The following TBCE variants were observed in gnomAD, a reference collection of about 807,000 sequenced individuals.
TBCE encodes the protein tubulin-specific chaperone E.
Under a neutral mutation model 77.0 loss-of-function variants are expected in TBCE, and 53 were observed. The ratio of observed to expected loss-of-function variants is 0.69; its 90% CI spans 0.55 to 0.87. TBCE has a LOEUF of 0.87. Among genes scored for constraint, TBCE ranks in the 40% least tolerant of loss-of-function variants. The pLI, the probability that TBCE is intolerant of heterozygous loss-of-function variation, is 0.00. For synonymous variants in TBCE, 235 were observed against 241.3 expected (o/e 0.97, Z 0.24); for missense variants, 624 against 622.4 (o/e 1.00, Z -0.03).
intron 14 of TBCE, 37 bp from the exon 15 acceptor site, chr1:235,442,815 A>C: frequency 1.3e-6 from 2 of 1,579,458 alleles, no homozygotes; most frequent in Non-Finnish European, 1.7e-6. Context: ...ATATAATAGT[A>C]GATATCAATT....
chr1:235,398,233 C>T (rs533371314), intron 2 of TBCE, among the ~76,000 whole-genome samples: 5 of 151,534 alleles, frequency 3.3e-5, no homozygotes, highest in African/African-American at 1.2e-4. Context: ...GCAACCTACA[C>T]CTCCTGGGTT....
At chr1:235,447,677 G>GTCA (rs910266723) in intron 15 of TBCE, among the ~76,000 whole-genome samples, 2 of 152,166 alleles carry the variant, frequency 1.3e-5, no homozygotes, top group African/African-American at 2.4e-5. Context: ...TCATAAGGAA[G>GTCA]TCATCATAAA....
rs1178137922 is a variant in TBCE at position 235,450,508 on chromosome 1, T to C, written c.*1746T>C. On this transcript the variant is annotated 3_prime_UTR_variant, in exon 17 of 17. Coordinates refer to ENST00000642610, the MANE Select transcript of TBCE (RefSeq NM_003193.5). ...AGGTTTGGGGGTGGCACCTCCTGAT[T>C]TGGGAAAGCACCAGGTCCCACAGTC... The C allele has an allele frequency of 2.2e-5, 16 of 735,694 alleles. No homozygotes were observed. The highest frequency in any genetic ancestry group is 3.0e-5 in the Non-Finnish European group (14 of 467,318). 45.6% of individuals were successfully genotyped at this position (735,694 alleles called of 1,614,324 possible).
chr1:235,435,859 C>G lies in TBCE; in HGVS notation c.833+19C>G. On this transcript the variant is annotated intron_variant, in intron 9 of 16. Coordinates refer to ENST00000642610, the MANE Select transcript of TBCE (RefSeq NM_003193.5). ...TGCCCAGGTAATTTGCCCCTAAATG[C>G]CTGATACAATAGTGTTCAGTCAATT... 6.3e-7 allele frequency: 1 copy of G among 1,595,830 alleles called. No homozygotes were observed.
At chr1:235,428,216 C>T (rs981033704) in intron 6 of TBCE, among the ~76,000 whole-genome samples, 3 of 151,822 alleles carry the variant, frequency 2.0e-5, no homozygotes, top group Middle Eastern at 3.2e-3. Flanking sequence ...CCCAGCTCCT[C>T]GGGAGGCTGA....
chr1:235,413,191 TA>T (rs1223670377), intron 3 of TBCE, among the ~76,000 whole-genome samples: 3 of 152,026 alleles, frequency 2.0e-5, no homozygotes, highest in Admixed American at 6.6e-5. Context: ...TGTTGTCTCT[TA>T]AAAAAAGTAC....
chr1:235,390,023 G>A (rs1357914762), intron 2 of TBCE, among the ~76,000 whole-genome samples: 1 of 151,934 alleles, frequency 6.6e-6, no homozygotes, highest in East Asian at 1.9e-4. Flanking sequence ...CTACTTGGGA[G>A]GCTGAGACAG....
chr1:235,429,387 T>C (rs1366786564), intron 6 of TBCE: 1 of 152,194 alleles, frequency 6.6e-6, no homozygotes, highest in Non-Finnish European at 1.5e-5. Flanking sequence ...GTTTTAACTT[T>C]TACCAGGTGG....
chr1:235,370,640 C>G (rs1294591421), intron 1 of TBCE, among the ~76,000 whole-genome samples: 1 of 151,102 alleles, frequency 6.6e-6, no homozygotes, highest in Non-Finnish European at 1.5e-5. Context: ...TAGTATCTGG[C>G]TTTTAGCAGA....
At chr1:235,370,621 T>C (rs976273173) in intron 1 of TBCE, among the ~76,000 whole-genome samples, 2 of 151,960 alleles carry the variant, frequency 1.3e-5, no homozygotes, top group African/African-American at 4.8e-5. Context: ...TTATTCCAAT[T>C]GCCTAAAATA....
intron 2 of TBCE, among the ~76,000 whole-genome samples, chr1:235,392,987 G>A (rs1197535331): frequency 1.3e-5 from 2 of 151,830 alleles, no homozygotes; most frequent in East Asian, 1.9e-4. Flanking sequence ...GGGCAACAGA[G>A]TGAGATGCTG....
In TBCE at chr1:235,438,091, A is replaced by G. The variant is rs376968611; in HGVS notation, c.1116+617A>G. 1.1e-3 allele frequency among the ~76,000 whole-genome samples: 160 copies of G among 152,330 alleles called. 3 individuals carry two copies. In the South Asian group the frequency reaches 0.029, roughly 27 times the overall value. On this transcript the variant is annotated intron_variant, in intron 12 of 16. Coordinates refer to ENST00000642610, the MANE Select transcript of TBCE (RefSeq NM_003193.5). The stretch of plus-strand genomic sequence containing the variant: ...CTCCCCTTCTCAGCCACTCTTCCCC[A>G]TAAAAGTGGGAAGTCCATGCCTTGT...
intron 14 of TBCE, 66 bp from the exon 15 acceptor site, chr1:235,442,786 G>C: frequency 6.7e-7 from 1 of 1,486,538 alleles, no homozygotes; most frequent in South Asian, 1.2e-5. Flanking sequence ...CTGTTGATGT[G>C]TGTGGATAAT....
At chr1:235,414,340 A>AT in intron 3 of TBCE, 93 bp from the exon 4 acceptor site, 1 of 1,211,246 alleles carries the variant, frequency 8.3e-7, no homozygotes, top group Non-Finnish European at 1.2e-6. Flanking sequence ...ATTTTTTAGC[A>AT]TGTAGAAATT....
At position 235,439,530 on chromosome 1, in the gene TBCE, C is replaced by T. The variant is rs996235982; in HGVS notation, c.1270+608C>T. On this transcript the variant is annotated intron_variant, in intron 13 of 16. Coordinates refer to ENST00000642610, the MANE Select transcript of TBCE (RefSeq NM_003193.5). ...AAAGAGAGATGGAGTCTTGCTCTGT[C>T]GCCCAGGCCCAGGCTGGAGTGATCT... 8.6e-5 allele frequency among the ~76,000 whole-genome samples: 13 copies of T among 151,532 alleles called. 1 individual carries two copies. Among genetic ancestry groups the T allele is most frequent in the Admixed American group, 8.5e-4 (13 of 15,244 alleles).
At chr1:235,417,948 T>G (rs1680194757) in intron 4 of TBCE, among the ~76,000 whole-genome samples, 1 of 152,112 alleles carries the variant, frequency 6.6e-6, no homozygotes, top group Non-Finnish European at 1.5e-5. Flanking sequence ...AGGCTAATTT[T>G]TGTTATTTTT....
rs1024132602 is a variant in TBCE at position 235,438,693 on chromosome 1, G to A, written c.1117-76G>A. On this transcript the variant is annotated intron_variant, in intron 12 of 16. Transcript: ENST00000642610. ...TTTTCTGCATGTGCTATGGAGGAAG[G>A]ACAAGGTGCAAAACGCAAAGGACAT... The A allele has an allele frequency of 3.8e-6, 6 of 1,575,430 alleles. No individual in the cohort carries two copies. In the African/African-American group the frequency reaches 6.8e-5, roughly 18 times the overall value.
At position 235,434,063 on chromosome 1, in the gene TBCE, G is replaced by C. The variant is rs1417217211; in HGVS notation, c.661-141G>C. 3.0e-5 allele frequency: 24 copies of C among 788,688 alleles called. No individual in the cohort carries two copies. The East Asian group carries it at 5.9e-4, about 19-fold the overall frequency. 48.9% of individuals were successfully genotyped at this position (788,688 alleles called of 1,614,324 possible). On this transcript the variant is annotated intron_variant, in intron 7 of 16. Transcript: ENST00000642610. ...CACCCCCCACCACTATTCCAGGCCT[G>C]AAACAGTCTTATGAACTGTCCGTGA...
At chr1:235,418,481 C>T (rs543467087) in intron 4 of TBCE, 3 of 152,214 alleles carry the variant, frequency 2.0e-5, no homozygotes, top group African/African-American at 7.2e-5. Context: ...ACAAGATTCT[C>T]TACACTTAAC....
Sources: allele counts gnomAD v4.1 joint callset (sites outside exome capture counted in the v4.1 genomes callset), GRCh38; gene constraint gnomAD v4.1.1; transcripts MANE v1.5; gene names NCBI Gene and HGNC (gene_info 2026-07-23, HGNC 2026-07-21).